The following MYO1D variants were observed in gnomAD, a reference collection of about 807,000 sequenced individuals.
MYO1D encodes the protein unconventional myosin-Id.
MYO1D carries 83 observed loss-of-function variants against 122.0 expected under a neutral mutation model. That is an observed-to-expected ratio of 0.68 (90% CI 0.57 to 0.82). MYO1D has a LOEUF of 0.82. Ranked by LOEUF, MYO1D falls within the 40% of genes least tolerant of loss-of-function variation. The pLI is 0.00. For synonymous variants in MYO1D, 464 were observed against 446.9 expected (o/e 1.04, Z -0.48); for missense variants, 1,157 against 1,269.5 (o/e 0.91, Z 1.35).
intron 1 of MYO1D, among the ~76,000 whole-genome samples, chr17:32,793,215 G>A (rs1489216307): frequency 3.3e-5 from 5 of 150,460 alleles, no homozygotes; most frequent in African/African-American, 1.2e-4. Context: ...CTAGTTACTA[G>A]AAGAATAAGA....
intron 21 of MYO1D, among the ~76,000 whole-genome samples, chr17:32,583,015 T>C (rs1318119007): frequency 6.6e-6 from 1 of 152,216 alleles, no homozygotes; most frequent in East Asian, 1.9e-4. Context: ...TATATTTCCA[T>C]GTAGTATATT....
intron 16 of MYO1D, among the ~76,000 whole-genome samples, chr17:32,706,108 T>C (rs2089305571): frequency 6.6e-6 from 1 of 152,140 alleles, no homozygotes; most frequent in Admixed American, 6.5e-5. Context: ...AACTTACCAA[T>C]AAATCTCTAA....
chr17:32,686,562 A>C (rs1451192119), intron 16 of MYO1D: 9 of 152,200 alleles, frequency 5.9e-5, no homozygotes. Flanking sequence ...ACAATAGTTA[A>C]CTATTCCAAT....
chr17:32,548,388 A>G (rs225202), intron 21 of MYO1D, among the ~76,000 whole-genome samples: 73,259 of 151,096 alleles, frequency 0.48, 18,035 homozygotes, highest in East Asian at 0.54. Flanking sequence ...AGATCGCGCC[A>G]CTGCACTCCA....
chr17:32,683,431 T>C (rs2088952465), intron 16 of MYO1D, among the ~76,000 whole-genome samples: 1 of 152,218 alleles, frequency 6.6e-6, no homozygotes, highest in African/African-American at 2.4e-5. Context: ...GTTTTCGGTG[T>C]GGATGTCCTT....
chr17:32,529,638 A>T (rs968148913), intron 21 of MYO1D: 1 of 152,520 alleles, frequency 6.6e-6, no homozygotes, highest in South Asian at 2.1e-4. Flanking sequence ...TCACATGGAC[A>T]TATGTGGGTG....
At chr17:32,593,402 G>A (rs140376391) in intron 21 of MYO1D, among the ~76,000 whole-genome samples, 1 of 152,142 alleles carries the variant, frequency 6.6e-6, no homozygotes, top group African/African-American at 2.4e-5. Flanking sequence ...TCGTTTGTCT[G>A]CTAAACACAA....
chr17:32,566,194 T>TA (rs34582529), intron 21 of MYO1D, among the ~76,000 whole-genome samples: 64,216 of 150,686 alleles, frequency 0.43, 13,773 homozygotes, highest in East Asian at 0.56. Context: ...AGATGTTAAA[T>TA]AAAAAAAAAG....
At position 32,755,694 on chromosome 17, in the gene MYO1D, G is replaced by C. The variant is rs1469443880; in HGVS notation, c.1297-32C>G. ...GACACAGCAAGGAGGGAATTCTGAA[G>C]AGAACAGTGACCAGGCCAGGTTAAA... is the stretch of plus-strand genomic sequence containing the variant. On this transcript the variant is annotated intron_variant, in intron 10 of 21. Transcript: ENST00000318217. The C allele has an allele frequency of 3.8e-6, 6 of 1,591,360 alleles. No individual in the cohort carries two copies. The Admixed American group carries it at 6.8e-5, about 18-fold the overall frequency.
intron 16 of MYO1D, among the ~76,000 whole-genome samples, chr17:32,696,343 T>C (rs969346958): frequency 4.6e-5 from 7 of 152,060 alleles, no homozygotes; most frequent in East Asian, 1.9e-4. Flanking sequence ...TATGGACCTA[T>C]ACAAATTTTA....
At chr17:32,684,665 C>G (rs557743342) in intron 16 of MYO1D, among the ~76,000 whole-genome samples, 1 of 152,256 alleles carries the variant, frequency 6.6e-6, no homozygotes, top group South Asian at 2.1e-4. Context: ...GCCAAGCAAA[C>G]TATGAAACAT....
chr17:32,644,935 G>T (rs1227135045), intron 19 of MYO1D, among the ~76,000 whole-genome samples: 10 of 152,188 alleles, frequency 6.6e-5, no homozygotes, highest in African/African-American at 2.2e-4. Context: ...ACTGTTATGT[G>T]TGAATCTAAT....
chr17:32,598,422 ATG>A (rs1484215024), intron 21 of MYO1D, among the ~76,000 whole-genome samples: 15 of 152,198 alleles, frequency 9.9e-5, no homozygotes, highest in Non-Finnish European at 2.1e-4. Flanking sequence ...CATATCCCAA[ATG>A]TATTTGACTT....
intron 1 of MYO1D, among the ~76,000 whole-genome samples, chr17:32,789,926 G>GC (rs1336197590): frequency 2.6e-5 from 4 of 152,182 alleles, no homozygotes; most frequent in South Asian, 2.1e-4. Flanking sequence ...TTTATTTTAA[G>GC]CCCCCCTGGT....
chr17:32,499,966 A>AAAAT (rs1214420930), intron 21 of MYO1D, among the ~76,000 whole-genome samples: 1 of 152,214 alleles, frequency 6.6e-6, no homozygotes, highest in African/African-American at 2.4e-5. Flanking sequence ...CCATCTTTGA[A>AAAAT]AAATAAAAAA....
intron 12 of MYO1D, among the ~76,000 whole-genome samples, chr17:32,748,034 C>A (rs180987344): frequency 6.6e-6 from 1 of 152,078 alleles, no homozygotes. Flanking sequence ...TGATTTTGAA[C>A]TTTTGAACTC....
At chr17:32,756,756 G>C (rs934588836) in intron 10 of MYO1D, among the ~76,000 whole-genome samples, 3 of 152,012 alleles carry the variant, frequency 2.0e-5, no homozygotes, top group Admixed American at 6.5e-5. Context: ...TTAATTCTGA[G>C]AAATAAATAT....
chr17:32,539,314 CACACACACACAG>C (rs1250318604), intron 21 of MYO1D, among the ~76,000 whole-genome samples: 2 of 150,988 alleles, frequency 1.3e-5, no homozygotes, highest in African/African-American at 4.9e-5. Context: ...CACACACACA[CACACACACACAG>C]AGCAGCATGT....
chr17:32,548,695 C>G (rs1378054508), intron 21 of MYO1D, among the ~76,000 whole-genome samples: 1 of 148,784 alleles, frequency 6.7e-6, no homozygotes, highest in African/African-American at 2.5e-5. Flanking sequence ...ACTTTAAATT[C>G]TTTTTAAATT....
Sources: allele counts gnomAD v4.1 joint callset (sites outside exome capture counted in the v4.1 genomes callset), GRCh38; gene constraint gnomAD v4.1.1; transcripts MANE v1.5; gene names NCBI Gene and HGNC (gene_info 2026-07-23, HGNC 2026-07-21).